Variants in ZDHHC24 observed in about 807,000 individuals in gnomAD.
The protein encoded by ZDHHC24 is zDHHC palmitoyltransferase 24, also known as probable palmitoyltransferase ZDHHC24.
ZDHHC24 carries 17 observed loss-of-function variants against 23.2 expected under a neutral mutation model. The ratio of observed to expected loss-of-function variants is 0.73; its 90% confidence interval spans 0.50 to 1.10. The LOEUF (loss-of-function observed/expected upper bound fraction) is 1.10. Among genes scored for constraint, ZDHHC24 ranks in the 50% least tolerant of loss-of-function variants. ZDHHC24 has a pLI of 0.00. For missense variants in ZDHHC24, 366 were observed against 393.0 expected, an observed-to-expected ratio of 0.93 and a Z score of 0.58; for synonymous variants, 186 against 194.5, an observed-to-expected ratio of 0.96 and a Z score of 0.36.
At chr11:66,524,590 C>G (rs1289396528) in intron 4 of ZDHHC24, among the ~76,000 whole-genome samples, 1 of 152,140 alleles carries the variant, frequency 6.6e-6, no homozygotes, top group Non-Finnish European at 1.5e-5. Context: ...GGAGGAAGAA[C>G]ATTCTGCACA....
downstream of ZDHHC24, chr11:66,532,551 C>T (rs886048527): frequency 4.9e-5 from 8 of 161,638 alleles, no homozygotes; most frequent in Non-Finnish European, 9.6e-5. Flanking sequence ...GGGCAAAATA[C>T]GTGCTCTCCT....
chr11:66,530,016 C>G, intron 2 of ZDHHC24: 1 of 1,549,466 alleles, frequency 6.5e-7, no homozygotes. Flanking sequence ...CGCAGGAACC[C>G]CTCTGCCACA....
intron 1 of ZDHHC24, among the ~76,000 whole-genome samples, chr11:66,544,848 G>A (rs1186944366): frequency 6.6e-6 from 1 of 152,110 alleles, no homozygotes; most frequent in Non-Finnish European, 1.5e-5. Context: ...TAAAATGTGT[G>A]TGTAGAGCCT....
chr11:66,530,935 G>A, downstream of ZDHHC24: 4 of 1,614,140 alleles, frequency 2.5e-6, no homozygotes, highest in Non-Finnish European at 3.4e-6. Context: ...CACTTCACCT[G>A]CAGAACACCT....
rs1857044573 is a variant in ZDHHC24, at chr11:66,538,407, A to C, written c.*1122T>G. ...AGCAAAACTCCGTCTCAAAAAAGAA[A>C]AAAAAAAAAATCAGCCGGGCATAGT... On this transcript the variant is annotated 3_prime_UTR_variant, in exon 3 of 3. Coordinates refer to ENST00000310442, the MANE Select transcript of ZDHHC24 (RefSeq NM_207340.3). The C allele has an allele frequency of 6.6e-6, 1 of 151,956 alleles. No homozygotes were observed. Among genetic ancestry groups the C allele is most frequent in the African/African-American group, 2.4e-5 (1 of 41,372 alleles). 9.4% of individuals were successfully genotyped at this position (151,956 alleles called of 1,614,324 possible). A position where few individuals can be genotyped will look rare whatever the true frequency, so the allele number is the denominator to read the frequency against.
chr11:66,525,494 C>A (rs1856450707), intron 4 of ZDHHC24, among the ~76,000 whole-genome samples: 1 of 151,496 alleles, frequency 6.6e-6, no homozygotes, highest in Non-Finnish European at 1.5e-5. Context: ...ACCCAGGAGG[C>A]AGAGGTTGCA....
rs970127969 is a variant in ZDHHC24 at position 66,546,000 on chromosome 11, C to T, written c.4G>A (p.Gly2Arg). The change falls in exon 1 of 3, where the codon GGG (glycine) becomes AGG (arginine). Residue 2 changes from glycine to arginine, a missense_variant. Physicochemically the swap from Gly to Arg is moderately radical, Grantham distance 125. Coordinates refer to ENST00000310442, the MANE Select transcript of ZDHHC24 (RefSeq NM_207340.3). This position sits in a 1 kb window ranked among gnomAD's most constrained non-coding sequence, Gnocchi z 4.5. Reference sequence around the variant, plus strand: ...GTGCTCCCAGCCGCCCAGGGCTGCCCCATGGCCTGGACACCCAGCTGTCGG... The same window carrying T: ...GTGCTCCCAGCCGCCCAGGGCTGCCTCATGGCCTGGACACCCAGCTGTCGG... M[G>R]QPWAAGSTDG... 7.2e-7 allele frequency: 1 copy of T among 1,395,454 alleles called. No homozygotes were observed. The highest frequency in any genetic ancestry group is 1.5e-5 in the African/African-American group (1 of 65,350). 86.4% of individuals were successfully genotyped at this position (1,395,454 alleles called of 1,614,324 possible). A position where few individuals can be genotyped will look rare whatever the true frequency, so the allele number is the denominator to read the frequency against.
At chr11:66,539,912 C>T (rs1857100324) in intron 2 of ZDHHC24, 88 bp from the exon 3 acceptor site, 2 of 1,297,082 alleles carry the variant, frequency 1.5e-6, no homozygotes, top group Non-Finnish European at 2.1e-6. Flanking sequence ...AAGCAGGGCT[C>T]ATTCCTCCGC....
At chr11:66,533,647 T>A (rs1317132231), downstream of ZDHHC24, 1 of 152,260 alleles carries the variant, frequency 6.6e-6, no homozygotes, top group African/African-American at 2.4e-5. Context: ...CTCATTTACT[T>A]TGTTTTCTGA....
chr11:66,542,060 T>C (rs1857167507), intron 2 of ZDHHC24, among the ~76,000 whole-genome samples: 2 of 151,644 alleles, frequency 1.3e-5, no homozygotes, highest in Admixed American at 1.3e-4. Flanking sequence ...TACAAGAAGC[T>C]GGGGGCAGTC....
At chr11:66,522,940 G>C (rs1340494560) in intron 4 of ZDHHC24, 1 of 355,134 alleles carries the variant, frequency 2.8e-6, no homozygotes, top group Non-Finnish European at 5.5e-6. Context: ...GTCGGGAAGA[G>C]TGTTGTAGGC....
chr11:66,528,576 A>T (rs1056732376), intron 3 of ZDHHC24, among the ~76,000 whole-genome samples: 1 of 152,192 alleles, frequency 6.6e-6, no homozygotes, highest in Non-Finnish European at 1.5e-5. Context: ...GAACATGTGG[A>T]AAGTCAGAGT....
chr11:66,528,766 C>G (rs1019508548), intron 3 of ZDHHC24, among the ~76,000 whole-genome samples: 1 of 151,954 alleles, frequency 6.6e-6, no homozygotes, highest in East Asian at 1.9e-4. Context: ...GTCAGGAGTT[C>G]GAGACCAGCC....
At position 66,536,829 on chromosome 11, in the gene ZDHHC24, GCAT is replaced by G. The variant is rs1244111646; in HGVS notation, c.*2697_*2699del. 1 of 151,690 alleles carries G rather than the reference GCAT, an allele frequency of 6.6e-6. No homozygotes were observed. Among genetic ancestry groups the G allele is most frequent in the Middle Eastern group, 3.2e-3 (1 of 316 alleles). The allele number at this position is 151,690 out of a possible 1,614,324, so 9.4% of individuals were successfully genotyped here. On this transcript the variant is annotated 3_prime_UTR_variant, in exon 3 of 3. Transcript: ENST00000310442. ...GCGGAGGTTTCGGTGAACCAAGATC[GCAT>G]CATTGCACTCCAGCCTGGGTAACAA... is the stretch of plus-strand genomic sequence containing the variant.
chr11:66,543,638 G>C, intron 2 of ZDHHC24, 66 bp downstream of exon 2: 2 of 1,474,866 alleles, frequency 1.4e-6, no homozygotes, highest in Non-Finnish European at 1.8e-6. Flanking sequence ...CCACCAGAAT[G>C]GGCTGTACTC....
downstream of ZDHHC24, among the ~76,000 whole-genome samples, chr11:66,534,800 A>G (rs1483890944): frequency 3.3e-5 from 5 of 152,024 alleles, no homozygotes; most frequent in Non-Finnish European, 7.4e-5. Context: ...GGTTCACACC[A>G]TTCTCTTGCC....
At chr11:66,534,930 C>T (rs553013685), downstream of ZDHHC24, among the ~76,000 whole-genome samples, 8 of 151,932 alleles carry the variant, frequency 5.3e-5, no homozygotes, top group South Asian at 1.3e-3. Context: ...CTCCTCACCT[C>T]GTGATCTGCT....
intron 2 of ZDHHC24, chr11:66,542,517 G>A (rs369110991): frequency 7.8e-5 from 12 of 153,858 alleles, no homozygotes; most frequent in South Asian, 4.1e-4. Flanking sequence ...AGTAAAAGAC[G>A]GAGAGAAGAG....
chr11:66,543,917 A>G lies in ZDHHC24; in HGVS notation c.346T>C (p.Cys116Arg), dbSNP rs1402570225. ...RSGHCSACRV[C>R]ILRRDHHCRL... ...CAGTGGTGGTCCCGACGCAGGATGC[A>G]GACGCGGCAGGCAGAGCAGTGTCCG... The change falls in exon 2 of 3, where the codon TGC becomes CGC. Residue 116 changes from cysteine to arginine, a missense_variant. Transcript: ENST00000310442. 8 of 1,613,898 alleles carry G rather than the reference A, an allele frequency of 5.0e-6. No homozygotes were observed. The highest frequency in any genetic ancestry group is 1.3e-5 in the African/African-American group (1 of 74,928).
Sources: gnomAD v4.1 joint callset for allele counts (sites outside exome capture counted in the v4.1 genomes callset) on GRCh38, gnomAD v4.1.1 for gene constraint, Gnocchi (gnomAD v3.1) non-coding constraint, MANE v1.5 for transcripts, NCBI Gene and HGNC (gene_info 2026-07-23, HGNC 2026-07-21) for gene names.